Variants in BNC2 observed in about 807,000 individuals in gnomAD.
BNC2 encodes zinc finger protein basonuclin-2.
In BNC2, 20 loss-of-function variants were observed where a neutral mutation model predicts 76.3. That is an observed-to-expected ratio of 0.26 (90% CI 0.18 to 0.38). The LOEUF (loss-of-function observed/expected upper bound fraction) is 0.38, where lower values mean the gene tolerates loss of function less well. BNC2 is among the 10% of genes least tolerant of loss of function. The probability of loss-of-function intolerance (pLI) is 1.00; values close to 1 mark genes in which losing one functional copy is unlikely to be tolerated. For synonymous variants in BNC2, 582 were observed against 514.8 expected (o/e 1.13, Z -1.77); for missense variants, 1,382 against 1,399.8 (o/e 0.99, Z 0.20).
At chr9:16,560,987 C>T (rs1373770521) in intron 4 of BNC2, among the ~76,000 whole-genome samples, 2 of 149,338 alleles carry the variant, frequency 1.3e-5, no homozygotes, top group African/African-American at 5.1e-5. Context: ...CCTGTAATCC[C>T]AGCACTTTGG....
intron 1 of BNC2, among the ~76,000 whole-genome samples, chr9:16,756,073 T>C (rs181417827): frequency 6.6e-5 from 10 of 152,280 alleles, no homozygotes; most frequent in African/African-American, 2.4e-4. Flanking sequence ...CAGAAGACTA[T>C]CAAAAGGGAC....
intron 1 of BNC2, among the ~76,000 whole-genome samples, chr9:16,743,696 T>C (rs193131723): frequency 6.6e-6 from 1 of 152,234 alleles, no homozygotes; most frequent in East Asian, 1.9e-4. Flanking sequence ...TGAGATACAG[T>C]TCTGAAAATG....
intron 1 of BNC2, among the ~76,000 whole-genome samples, chr9:16,803,050 G>C (rs1817821112): frequency 6.6e-6 from 1 of 152,114 alleles, no homozygotes; most frequent in African/African-American, 2.4e-5. Context: ...CTATCTACAA[G>C]TGAACCTCTA....
intron 3 of BNC2, among the ~76,000 whole-genome samples, chr9:16,598,299 T>G (rs1259536109): frequency 1.3e-5 from 2 of 152,194 alleles, no homozygotes; most frequent in Non-Finnish European, 2.9e-5. Context: ...ATAACTTTTG[T>G]AAAATTATGT....
chr9:16,569,584 G>T (rs1018200011), intron 4 of BNC2, among the ~76,000 whole-genome samples: 1 of 152,110 alleles, frequency 6.6e-6, no homozygotes, highest in African/African-American at 2.4e-5. Context: ...ACACATAAAA[G>T]TATTTCACCA....
intron 3 of BNC2, among the ~76,000 whole-genome samples, chr9:16,613,171 G>C (rs1165892478): frequency 3.3e-5 from 5 of 152,162 alleles, no homozygotes; most frequent in African/African-American, 4.8e-5. Flanking sequence ...GAACCATGGG[G>C]AACACTGACA....
chr9:16,420,192 T>C (rs1242069403), intron 6 of BNC2, among the ~76,000 whole-genome samples: 1 of 152,120 alleles, frequency 6.6e-6, no homozygotes. Flanking sequence ...CAAAAAATAA[T>C]GAAATCTTCC....
intron 6 of BNC2, among the ~76,000 whole-genome samples, chr9:16,423,693 C>A (rs1267927552): frequency 6.6e-6 from 1 of 151,996 alleles, no homozygotes; most frequent in Non-Finnish European, 1.5e-5. Context: ...ACAGAATATC[C>A]AAGGAAAGGT....
chr9:16,712,092 A>C (rs1823868071), intron 3 of BNC2, among the ~76,000 whole-genome samples: 1 of 152,218 alleles, frequency 6.6e-6, no homozygotes, highest in African/African-American at 2.4e-5. Flanking sequence ...CAAAAATGTT[A>C]CCTGTGTACA....
rs117781997 is a variant in BNC2, at chr9:16,673,956, A to G, written c.330+53841T>C. 6.8e-3 allele frequency among the ~76,000 whole-genome samples: 1,040 copies of G among 152,346 alleles called. 5 individuals are homozygous for G. Among genetic ancestry groups the G allele is most frequent in the Non-Finnish European group, 0.013 (851 of 68,034 alleles). On this transcript the variant is annotated intron_variant, in intron 3 of 6. Transcript: ENST00000380672. ...GAAAGAAAATATTTTATCAAACTCA[A>G]TACCTATCTCTCTTGCCAACATTTT...
intron 1 of BNC2, among the ~76,000 whole-genome samples, chr9:16,738,844 C>T (rs1225414444): frequency 2.7e-5 from 4 of 149,752 alleles, no homozygotes; most frequent in Non-Finnish European, 5.9e-5. Flanking sequence ...CCCCCCGCCC[C>T]GCTCCCTTGC....
intron 1 of BNC2, among the ~76,000 whole-genome samples, chr9:16,805,917 T>C (rs1415381110): frequency 6.6e-6 from 1 of 152,178 alleles, no homozygotes; most frequent in African/African-American, 2.4e-5. Context: ...TGATTACAAA[T>C]TTTTAGTGTA....
intron 3 of BNC2, among the ~76,000 whole-genome samples, chr9:16,726,178 A>G (rs976595354): frequency 1.6e-4 from 24 of 152,230 alleles, no homozygotes; most frequent in African/African-American, 5.8e-4. Context: ...AGCGCTCTGC[A>G]GTGACAAGGA....
At chr9:16,617,505 CA>C (rs2133533657) in intron 3 of BNC2, among the ~76,000 whole-genome samples, 1 of 146,170 alleles carries the variant, frequency 6.8e-6, no homozygotes, top group Non-Finnish European at 1.5e-5. Flanking sequence ...CCAGCTCCTC[CA>C]AATTTTACGT....
intron 3 of BNC2, among the ~76,000 whole-genome samples, chr9:16,624,607 T>G (rs1340477209): frequency 6.6e-6 from 1 of 152,184 alleles, no homozygotes; most frequent in Non-Finnish European, 1.5e-5. Context: ...TGACTTTTAT[T>G]GTCTCTGGTC....
rs564388441 is a variant in BNC2 at position 16,754,332 on chromosome 9, G to T, written c.4-15847C>A. 7.2e-5 allele frequency among the ~76,000 whole-genome samples: 11 copies of T among 152,230 alleles called. No homozygotes were observed. The East Asian group carries it at 1.9e-3, about 27-fold the overall frequency. On this transcript the variant is annotated intron_variant, in intron 1 of 6. Transcript: ENST00000380672. ...AAAGTGTCTCTGGATAAGAACCTTT[G>T]CCTCCTCCACCAAGTGCAGAATTTA...
At chr9:16,796,586 GA>G (rs1817657383) in intron 1 of BNC2, among the ~76,000 whole-genome samples, 4 of 117,988 alleles carry the variant, frequency 3.4e-5, no homozygotes, top group East Asian at 4.6e-4. Context: ...AAAAAAGAAA[GA>G]AAAGGAAAGG....
chr9:16,603,424 A>C (rs535574775), intron 3 of BNC2, among the ~76,000 whole-genome samples: 51 of 152,230 alleles, frequency 3.4e-4, no homozygotes, highest in Non-Finnish European at 6.0e-4. Context: ...CTACCAATGC[A>C]AATATTTGTT....
At chr9:16,694,620 G>A (rs532432129) in intron 3 of BNC2, among the ~76,000 whole-genome samples, 2 of 152,140 alleles carry the variant, frequency 1.3e-5, no homozygotes, top group African/African-American at 4.8e-5. Context: ...GGCTCATAAT[G>A]TAGCATGTCG....
Sources: allele counts gnomAD v4.1 joint callset (sites outside exome capture counted in the v4.1 genomes callset), GRCh38; gene constraint gnomAD v4.1.1; transcripts MANE v1.5; gene names NCBI Gene and HGNC (gene_info 2026-07-23, HGNC 2026-07-21).